GPR149: variants seen among roughly 807,000 people sequenced by gnomAD.
GPR149 encodes probable G protein-coupled receptor 149.
A neutral mutation model predicts 50.2 loss-of-function variants in GPR149; 50 were observed. The ratio of observed to expected loss-of-function variants is 1.00; its 90% CI spans 0.79 to 1.26. The LOEUF is 1.26. GPR149 is among the 50% of genes most tolerant of loss of function. The pLI is 0.00. For synonymous variants in GPR149, 405 were observed against 358.2 expected (o/e 1.13, Z -1.48); for missense variants, 983 against 895.4 (o/e 1.10, Z -1.25).
Position 154,428,888 on chromosome 3 carries a change from G to A in GPR149, c.728C>T (p.Pro243Leu), listed in dbSNP as rs548620002. Residue 243 changes from proline (P) to leucine (L), a missense_variant, in exon 1 of 4, where the codon CCT becomes CTT. By Grantham distance (98) the Pro-to-Leu change is moderately conservative. Coordinates refer to ENST00000389740, the MANE Select transcript of GPR149 (RefSeq NM_001038705.3). ...SRGASIPGTP[P>L]TAGRVVSLSP... ...CAGGGAAACCACTCTCCCCGCAGTA[G>A]GAGGGGTCCCAGGAATTGAAGCTCC... The A allele has an allele frequency of 8.7e-6, 14 of 1,613,918 alleles. No individual in the cohort carries two copies. The African/African-American group carries it at 1.1e-4, about 12-fold the overall frequency.
chr3:154,388,108 C>A (rs1176413450), intron 3 of GPR149, among the ~76,000 whole-genome samples: 3 of 151,996 alleles, frequency 2.0e-5, no homozygotes, highest in Non-Finnish European at 4.4e-5. Context: ...TAATAAAATA[C>A]TTTTAAAAAC....
chr3:154,353,032 T>C (rs1023076957), intron 3 of GPR149: 2 of 1,373,038 alleles, frequency 1.5e-6, no homozygotes, highest in Non-Finnish European at 2.1e-6. Context: ...CTATCTTCTC[T>C]GAAGCCTTTT....
chr3:154,424,709 A>G (rs1364702409), intron 2 of GPR149, among the ~76,000 whole-genome samples: 2 of 151,858 alleles, frequency 1.3e-5, no homozygotes, highest in African/African-American at 4.8e-5. Flanking sequence ...TTTTGTTCTT[A>G]AAAGCAAAAT....
chr3:154,360,356 A>T (rs2108394777), intron 3 of GPR149, among the ~76,000 whole-genome samples: 1 of 152,364 alleles, frequency 6.6e-6, no homozygotes, highest in South Asian at 2.1e-4. Context: ...TGGCAGTTTA[A>T]CAAGAATCAA....
chr3:154,406,988 G>A (rs1353035154), intron 3 of GPR149, among the ~76,000 whole-genome samples: 3 of 152,146 alleles, frequency 2.0e-5, no homozygotes, highest in Admixed American at 2.0e-4. Context: ...ATCGTGGCAG[G>A]CAAGAGAGAA....
intron 3 of GPR149, among the ~76,000 whole-genome samples, chr3:154,372,969 T>C (rs915006492): frequency 2.0e-5 from 3 of 152,150 alleles, no homozygotes; most frequent in African/African-American, 7.2e-5. Context: ...TGAAATTGGA[T>C]GTCCAATTTT....
intron 3 of GPR149, among the ~76,000 whole-genome samples, chr3:154,417,578 A>G (rs901923282): frequency 6.6e-6 from 1 of 152,116 alleles, no homozygotes; most frequent in African/African-American, 2.4e-5. Context: ...ACCATTAGAT[A>G]CAAACTGATA....
At chr3:154,353,585 T>C (rs904056346) in intron 3 of GPR149, 1 of 1,136,350 alleles carries the variant, frequency 8.8e-7, no homozygotes, top group African/African-American at 1.5e-5. Context: ...TAATTTGGCT[T>C]TGATATGGTA....
At chr3:154,399,603 T>C (rs999444880) in intron 3 of GPR149, among the ~76,000 whole-genome samples, 3 of 152,212 alleles carry the variant, frequency 2.0e-5, no homozygotes, top group Non-Finnish European at 2.9e-5. Flanking sequence ...AGTCTTCACA[T>C]TGGAATCAAA....
chr3:154,410,185 A>G (rs1295860815), intron 3 of GPR149, among the ~76,000 whole-genome samples: 2 of 152,188 alleles, frequency 1.3e-5, no homozygotes, highest in East Asian at 1.9e-4. Flanking sequence ...AAATGCTGAG[A>G]GAATTTGCCA....
Position 154,428,766 on chromosome 3 carries a change from C to T in GPR149, c.850G>A (p.Gly284Arg). The T allele has an allele frequency of 1.9e-6, 3 of 1,613,916 alleles. No homozygotes were observed. The highest frequency in any genetic ancestry group is 2.5e-6 in the Non-Finnish European group (3 of 1,180,028). Reference sequence around the variant, plus strand: ...TTCTCACGCCTGCAGGCTTCAGCCCCAGCGGCAGCGGGCGCACCCGGTCCG... The same window carrying T: ...TTCTCACGCCTGCAGGCTTCAGCCCTAGCGGCAGCGGGCGCACCCGGTCCG... ...VFGPGAPAAA[G>R]AEACRRENRG... The change falls in exon 1 of 4, where the codon GGG becomes AGG. Residue 284 changes from glycine to arginine, a missense_variant. Gly to Arg is a moderately radical substitution (Grantham distance 125). Coordinates refer to ENST00000389740, the MANE Select transcript of GPR149 (RefSeq NM_001038705.3).
chr3:154,402,777 A>G (rs952432921), intron 3 of GPR149, among the ~76,000 whole-genome samples: 3 of 152,184 alleles, frequency 2.0e-5, no homozygotes, highest in Non-Finnish European at 1.5e-5. Flanking sequence ...TAATTGTTTG[A>G]AAATCTTCTT....
At chr3:154,420,523 T>A (rs2108428983) in intron 3 of GPR149, among the ~76,000 whole-genome samples, 1 of 152,108 alleles carries the variant, frequency 6.6e-6, no homozygotes, top group Middle Eastern at 3.4e-3. Flanking sequence ...CTGTAATATT[T>A]TTTTTCTGCT....
chr3:154,344,162 C>G (rs1351368921), intron 3 of GPR149, among the ~76,000 whole-genome samples: 1 of 152,108 alleles, frequency 6.6e-6, no homozygotes, highest in East Asian at 1.9e-4. Context: ...ATTATCCTCA[C>G]GAATTTTACT....
At chr3:154,393,295 G>A (rs1465854524) in intron 3 of GPR149, among the ~76,000 whole-genome samples, 1 of 151,826 alleles carries the variant, frequency 6.6e-6, no homozygotes, top group Non-Finnish European at 1.5e-5. Context: ...AATCAATTAA[G>A]GTAATACACC....
At chr3:154,400,842 G>A (rs1711535293) in intron 3 of GPR149, among the ~76,000 whole-genome samples, 1 of 152,176 alleles carries the variant, frequency 6.6e-6, no homozygotes, top group Non-Finnish European at 1.5e-5. Flanking sequence ...TTTCATAAGA[G>A]ACTAGCCACT....
chr3:154,374,699 A>ATG (rs1714751502), intron 3 of GPR149, among the ~76,000 whole-genome samples: 2 of 152,224 alleles, frequency 1.3e-5, no homozygotes, highest in Non-Finnish European at 2.9e-5. Flanking sequence ...ATATATATAT[A>ATG]TTAGAAGAAA....
chr3:154,402,724 G>A (rs1056777074), intron 3 of GPR149, among the ~76,000 whole-genome samples: 12 of 136,284 alleles, frequency 8.8e-5, no homozygotes, highest in African/African-American at 2.4e-4. Flanking sequence ...CTGTAAGTGC[G>A]TTGTCTATAT....
intron 3 of GPR149, among the ~76,000 whole-genome samples, chr3:154,368,997 G>A (rs1258678445): frequency 2.0e-5 from 3 of 152,240 alleles, no homozygotes; most frequent in African/African-American, 7.2e-5. Context: ...GCAGGGGCAA[G>A]GGAAGTTTCC....
Sources: allele counts gnomAD v4.1 joint callset (sites outside exome capture counted in the v4.1 genomes callset), GRCh38; gene constraint gnomAD v4.1.1; transcripts MANE v1.5; gene names NCBI Gene and HGNC (gene_info 2026-07-23, HGNC 2026-07-21).